Variants in DOCK4 observed in about 807,000 individuals in gnomAD.
DOCK4 encodes dedicator of cytokinesis 4, also known as dedicator of cytokinesis protein 4.
Under a neutral mutation model 268.1 loss-of-function variants are expected in DOCK4, and 97 were observed. The ratio of observed to expected loss-of-function variants is 0.36; its 90% CI spans 0.31 to 0.43. The LOEUF (loss-of-function observed/expected upper bound fraction) is 0.43, where lower values mean the gene tolerates loss of function less well. Among genes scored for constraint, DOCK4 ranks in the 20% least tolerant of loss-of-function variants. The probability of loss-of-function intolerance (pLI) is 1.00; values close to 1 mark genes in which losing one functional copy is unlikely to be tolerated. For synonymous variants in DOCK4, 954 were observed against 887.2 expected (o/e 1.08, Z -1.34); for missense variants, 2,145 against 2,455.7 (o/e 0.87, Z 2.67).
At chr7:112,053,285 C>A (rs2135560199) in intron 1 of DOCK4, among the ~76,000 whole-genome samples, 1 of 152,286 alleles carries the variant, frequency 6.6e-6, no homozygotes, top group Non-Finnish European at 1.5e-5. Context: ...TAAGGACAAG[C>A]AAGGTGCCAC....
At chr7:111,928,095 T>C (rs772106255) in intron 12 of DOCK4, among the ~76,000 whole-genome samples, 51 of 152,240 alleles carry the variant, frequency 3.3e-4, no homozygotes, top group Non-Finnish European at 6.6e-4. Context: ...CAGGTGTTCA[T>C]TTCCTAATGA....
chr7:111,740,984 C>T (rs1417001360), intron 47 of DOCK4, 110 bp downstream of exon 47: 2 of 1,359,206 alleles, frequency 1.5e-6, no homozygotes, highest in African/African-American at 1.5e-5. Context: ...TGTCCTTAAG[C>T]CAAGTTCTTG....
At chr7:112,170,373 A>T (rs1817983848) in intron 1 of DOCK4, among the ~76,000 whole-genome samples, 1 of 152,088 alleles carries the variant, frequency 6.6e-6, no homozygotes, top group South Asian at 2.1e-4. Flanking sequence ...AGGTGGAAGG[A>T]TCACTTGAGA....
chr7:111,790,919 G>A (rs550292030), intron 30 of DOCK4, among the ~76,000 whole-genome samples: 3 of 151,170 alleles, frequency 2.0e-5, no homozygotes, highest in South Asian at 2.1e-4. Flanking sequence ...TTAGCCGGGC[G>A]GGGTGGTGGG....
intron 13 of DOCK4, among the ~76,000 whole-genome samples, chr7:111,912,673 C>T (rs1304161632): frequency 6.6e-6 from 1 of 151,738 alleles, no homozygotes; most frequent in Non-Finnish European, 1.5e-5. Context: ...AGATTAAGAT[C>T]AAGACAGAAA....
chr7:111,805,184 T>C (rs911025478), intron 30 of DOCK4, among the ~76,000 whole-genome samples: 5 of 152,104 alleles, frequency 3.3e-5, no homozygotes, highest in South Asian at 4.1e-4. Context: ...CCAGACCTCA[T>C]AGAACTAGGG....
chr7:111,752,621 T>C (rs1400773968), intron 42 of DOCK4, among the ~76,000 whole-genome samples: 3 of 147,258 alleles, frequency 2.0e-5, no homozygotes, highest in Non-Finnish European at 4.5e-5. Flanking sequence ...AGGTTTGCTC[T>C]TGTTGCCCAG....
At chr7:112,063,817 A>G (rs1806672720) in intron 1 of DOCK4, among the ~76,000 whole-genome samples, 1 of 152,224 alleles carries the variant, frequency 6.6e-6, no homozygotes, top group South Asian at 2.1e-4. Flanking sequence ...TTGTCAGGGT[A>G]GGATCGGGAC....
At chr7:111,867,493 C>A (rs755730767) in intron 22 of DOCK4, among the ~76,000 whole-genome samples, 1 of 152,106 alleles carries the variant, frequency 6.6e-6, no homozygotes, top group African/African-American at 2.4e-5. Flanking sequence ...TGGAGTTTGG[C>A]GGCAGCAGCA....
At chr7:111,784,247 TC>T in intron 32 of DOCK4, 124 bp from the exon 33 acceptor site, 1 of 1,114,128 alleles carries the variant, frequency 9.0e-7, no homozygotes, top group Non-Finnish European at 1.3e-6. Flanking sequence ...AGACATTTTT[TC>T]CTAGCTTCTC....
intron 6 of DOCK4, among the ~76,000 whole-genome samples, chr7:111,988,242 T>C (rs1205274989): frequency 6.6e-6 from 1 of 152,168 alleles, no homozygotes; most frequent in Non-Finnish European, 1.5e-5. Flanking sequence ...GATAGGGCCA[T>C]GTGGGTTATT....
At chr7:111,959,947 T>C (rs1051446355) in intron 8 of DOCK4, among the ~76,000 whole-genome samples, 5 of 152,214 alleles carry the variant, frequency 3.3e-5, no homozygotes, top group Admixed American at 1.3e-4. Context: ...ACGTCTCCCA[T>C]TGGTGCGGCC....
At chr7:111,765,806 C>T (rs564496639) in intron 38 of DOCK4, among the ~76,000 whole-genome samples, 46 of 152,254 alleles carry the variant, frequency 3.0e-4, no homozygotes, top group African/African-American at 1.1e-3. Context: ...CTCTTAAGTG[C>T]GCCTGACAAT....
chr7:111,730,934 T>A (rs1400145434), intron 52 of DOCK4, among the ~76,000 whole-genome samples: 1 of 152,248 alleles, frequency 6.6e-6, no homozygotes, highest in Non-Finnish European at 1.5e-5. Context: ...AATTAATCTC[T>A]TAAGACTTAT....
At chr7:111,766,182 A>T (rs1274573940) in intron 38 of DOCK4, among the ~76,000 whole-genome samples, 3 of 152,218 alleles carry the variant, frequency 2.0e-5, no homozygotes, top group African/African-American at 7.2e-5. Flanking sequence ...AGAAGTATCG[A>T]TGAACTGCTG....
intron 1 of DOCK4, among the ~76,000 whole-genome samples, chr7:112,201,876 T>C (rs551870507): frequency 1.4e-4 from 21 of 152,252 alleles, no homozygotes; most frequent in South Asian, 4.2e-4. Context: ...CTGGCAACCA[T>C]CACTTTAATC....
intron 26 of DOCK4, among the ~76,000 whole-genome samples, chr7:111,832,127 AG>A (rs1376506321): frequency 6.6e-6 from 1 of 152,226 alleles, no homozygotes; most frequent in Non-Finnish European, 1.5e-5. Context: ...AGTATTATAA[AG>A]GTGGGGTAGA....
At chr7:111,891,189 G>GA (rs11396137) in intron 16 of DOCK4, among the ~76,000 whole-genome samples, 3,865 of 150,324 alleles carry the variant, frequency 0.026, 157 homozygotes, top group African/African-American at 0.084. Context: ...TGGTCAAAAT[G>GA]AAAAAAAAAT....
At chr7:111,741,738 T>A (rs1795933647) in intron 45 of DOCK4, 77 bp from the exon 46 acceptor site, 1 of 1,518,230 alleles carries the variant, frequency 6.6e-7, no homozygotes, top group African/African-American at 1.4e-5. Context: ...GTTAGCATAC[T>A]AGGCACACAT....
Sources: allele counts gnomAD v4.1 joint callset (sites outside exome capture counted in the v4.1 genomes callset), GRCh38; gene constraint gnomAD v4.1.1; transcripts MANE v1.5; gene names NCBI Gene and HGNC (gene_info 2026-07-23, HGNC 2026-07-21).